The following UBQLN4 variants were observed in gnomAD, a reference collection of about 807,000 sequenced individuals.
UBQLN4 encodes the protein ubiquilin 4.
In UBQLN4, 11 loss-of-function variants were observed where a neutral mutation model predicts 60.4. That is an observed-to-expected ratio of 0.18 (90% CI 0.11 to 0.30). UBQLN4 has a LOEUF of 0.30. Among genes scored for constraint, UBQLN4 ranks in the 10% least tolerant of loss-of-function variants. The pLI is 1.00. For synonymous variants in UBQLN4, 258 were observed against 313.1 expected (o/e 0.82, Z 1.86); for missense variants, 417 against 795.5 (o/e 0.52, Z 5.72).
chr1:156,039,611 T>G (rs1683494832), intron 10 of UBQLN4, among the ~76,000 whole-genome samples: 1 of 152,002 alleles, frequency 6.6e-6, no homozygotes, highest in Non-Finnish European at 1.5e-5. Context: ...CCAAGGGGTA[T>G]TTGGAAAGCA....
chr1:156,045,537 C>T (rs1327539377), intron 5 of UBQLN4, among the ~76,000 whole-genome samples: 1 of 152,262 alleles, frequency 6.6e-6, no homozygotes, highest in Non-Finnish European at 1.5e-5. Flanking sequence ...TAATACTCCT[C>T]TAATACAACA....
Position 156,036,786 on chromosome 1 carries a change from G to A in UBQLN4, c.*192C>T, listed in dbSNP as rs1683413486. ...GACCAGGAGAGAAGAGTCTGTTAGA[G>A]ACGTAGCAGTAAAACCATAATTCTC... is the stretch of plus-strand genomic sequence containing the variant. On this transcript the variant is annotated 3_prime_UTR_variant, in exon 11 of 11. Transcript: ENST00000368309. 4 of 1,454,656 alleles carry A rather than the reference G, an allele frequency of 2.7e-6. No individual in the cohort carries two copies. The highest frequency in any genetic ancestry group is 3.6e-6 in the Non-Finnish European group (4 of 1,105,904). The allele number at this position is 1,454,656 out of a possible 1,614,324, so 90.1% of individuals were successfully genotyped here. A position where few individuals can be genotyped will look rare whatever the true frequency, so the allele number is the denominator to read the frequency against.
intron 7 of UBQLN4, chr1:156,042,466 G>A (rs1683594052): frequency 2.9e-6 from 4 of 1,379,320 alleles, no homozygotes; most frequent in Non-Finnish European, 3.8e-6. Flanking sequence ...GTCTGATGAT[G>A]ATGAGGACAG....
At chr1:156,038,684 A>C (rs1015841770) in intron 10 of UBQLN4, among the ~76,000 whole-genome samples, 5 of 152,132 alleles carry the variant, frequency 3.3e-5, no homozygotes, top group African/African-American at 7.2e-5. Context: ...ATAAAAAATA[A>C]AGAAAAAAAT....
Position 156,045,256 on chromosome 1 carries a change from T to C in UBQLN4, c.901-1033A>G, listed in dbSNP as rs142718977. On this transcript the variant is annotated intron_variant, in intron 5 of 10. Transcript: ENST00000368309. The stretch of plus-strand genomic sequence containing the variant: ...CGGGGCTAACCAAGGATTCTCCTAC[T>C]CTGAGCTGTTTCCTTCACCTCACCA... Among the ~76,000 whole-genome samples the C allele has an allele frequency of 1.2e-3, 183 of 152,326 alleles. 1 individual carries two copies. The highest frequency in any genetic ancestry group is 4.3e-3 in the African/African-American group (177 of 41,580).
chr1:156,052,977 C>T (rs1379225974), intron 1 of UBQLN4, among the ~76,000 whole-genome samples: 1 of 152,152 alleles, frequency 6.6e-6, no homozygotes, highest in Non-Finnish European at 1.5e-5. Context: ...ACCAGATGGC[C>T]TATCTTAAGC....
intron 1 of UBQLN4, 122 bp downstream of exon 1, chr1:156,053,472 G>T: frequency 4.2e-6 from 3 of 715,020 alleles, no homozygotes; most frequent in Non-Finnish European, 5.9e-6. Flanking sequence ...GCTCCTCGGA[G>T]TCCCAGCCGG....
chr1:156,053,738 G>C lies in UBQLN4; in HGVS notation c.-37C>G, dbSNP rs975460958. The C allele has an allele frequency of 8.3e-7, 1 of 1,210,302 alleles. No individual in the cohort carries two copies. Among genetic ancestry groups the C allele is most frequent in the Non-Finnish European group, 1.0e-6 (1 of 957,086 alleles). 75.0% of individuals were successfully genotyped at this position (1,210,302 alleles called of 1,614,324 possible). A position where few individuals can be genotyped will look rare whatever the true frequency, so the allele number is the denominator to read the frequency against. On this transcript the variant is annotated 5_prime_UTR_variant, in exon 1 of 11. Transcript: ENST00000368309. Reference sequence around the variant, plus strand: ...CACCCGGCCGCCCGCCAGCCCGCCCGGCTCCTCCTCCTCCCCGCCCGCCCG... The same window carrying C: ...CACCCGGCCGCCCGCCAGCCCGCCCCGCTCCTCCTCCTCCCCGCCCGCCCG...
chr1:156,040,380 C>CAA (rs761867504), intron 10 of UBQLN4, among the ~76,000 whole-genome samples: 5 of 125,898 alleles, frequency 4.0e-5, no homozygotes, highest in Non-Finnish European at 5.0e-5. Flanking sequence ...AACTCTGTCT[C>CAA]AAAAAAAAAA....
At chr1:156,033,125 C>A (rs945205971), downstream of UBQLN4, 2 of 837,342 alleles carry the variant, frequency 2.4e-6, no homozygotes, top group Non-Finnish European at 2.9e-6. Flanking sequence ...TTTGCCAATA[C>A]TTATGTAGCT....
At chr1:156,039,240 C>G (rs940545718) in intron 10 of UBQLN4, among the ~76,000 whole-genome samples, 1 of 145,776 alleles carries the variant, frequency 6.9e-6, no homozygotes, top group African/African-American at 2.5e-5. Context: ...ACACTCCTGG[C>G]CTGGCTTTTT....
chr1:156,035,947 C>T lies in UBQLN4; in HGVS notation c.*1031G>A, dbSNP rs540247372. On this transcript the variant is annotated 3_prime_UTR_variant, in exon 11 of 11. Coordinates refer to ENST00000368309, the MANE Select transcript of UBQLN4 (RefSeq NM_020131.5). Reference sequence around the variant, plus strand: ...TGCACCTCCCCACTACTCACACAGACCCCAACCCCCTTCATGTCTTTTGAG... The same window carrying T: ...TGCACCTCCCCACTACTCACACAGATCCCAACCCCCTTCATGTCTTTTGAG... 75 of 985,500 alleles carry T rather than the reference C, an allele frequency of 7.6e-5. No individual in the cohort carries two copies. The highest frequency in any genetic ancestry group is 9.0e-5 in the Non-Finnish European group (75 of 830,020). 61.0% of individuals were successfully genotyped at this position (985,500 alleles called of 1,614,324 possible).
At chr1:156,043,730 A>G (rs1466293672) in intron 6 of UBQLN4, among the ~76,000 whole-genome samples, 1 of 151,864 alleles carries the variant, frequency 6.6e-6, no homozygotes, top group Non-Finnish European at 1.5e-5. Flanking sequence ...AACCTTTTAC[A>G]CTGGATAATA....
At chr1:156,034,825 CTATATATATATATATA>C (rs34720108), downstream of UBQLN4, among the ~76,000 whole-genome samples, 14,136 of 46,484 alleles carry the variant, frequency 0.3, 1,848 homozygotes, top group Middle Eastern at 0.38. Flanking sequence ...CCTTAACCTT[CTATATATATATATATA>C]TATATATATA....
At chr1:156,041,452 G>T in intron 10 of UBQLN4, 33 bp downstream of exon 10, 1 of 1,488,530 alleles carries the variant, frequency 6.7e-7, no homozygotes, top group Admixed American at 2.2e-5. Context: ...TCAAAGTGGT[G>T]CTCCCAGCAC....
intron 10 of UBQLN4, among the ~76,000 whole-genome samples, chr1:156,037,863 A>G (rs1683448169): frequency 6.6e-6 from 1 of 152,218 alleles, no homozygotes; most frequent in Non-Finnish European, 1.5e-5. Context: ...GTCCCAGTTA[A>G]GAAGCTATTT....
At position 156,048,666 on chromosome 1, in the gene UBQLN4, A is replaced by G. The variant is rs750329101; in HGVS notation, c.742-7T>C. The G allele has an allele frequency of 6.2e-7, 1 of 1,610,652 alleles. No homozygotes were observed. The highest frequency in any genetic ancestry group is 1.1e-5 in the South Asian group (1 of 91,008). ...TCCGAGCAAGCTCCATTGTCTGATCAAGGGAGAGAGACAAAATGGGCCCCG... is the reference window on the plus strand; with the variant it reads ...TCCGAGCAAGCTCCATTGTCTGATCGAGGGAGAGAGACAAAATGGGCCCCG... On this transcript the variant is annotated splice_region_variant and splice_polypyrimidine_tract_variant and intron_variant, in intron 4 of 10. Transcript: ENST00000368309. This position sits in a 1 kb window ranked among gnomAD's most constrained non-coding sequence, Gnocchi z 4.9.
chr1:156,041,719 G>A (rs1417931117), intron 9 of UBQLN4, 48 bp from the exon 10 acceptor site: 1 of 1,472,046 alleles, frequency 6.8e-7, no homozygotes, highest in Non-Finnish European at 9.0e-7. Context: ...CCAAGAAAGG[G>A]ATGAGAATGT....
At position 156,036,202 on chromosome 1, in the gene UBQLN4, A is replaced by G; in HGVS notation, c.*776T>C. On this transcript the variant is annotated 3_prime_UTR_variant, in exon 11 of 11. Coordinates refer to ENST00000368309, the MANE Select transcript of UBQLN4 (RefSeq NM_020131.5). ...GATTCTTCTGCCTAAAAGAGCTATG[A>G]GTGCTTCTGCTCCCCACTGTTAATT... 5 of 985,590 alleles carry G rather than the reference A, an allele frequency of 5.1e-6. No individual in the cohort carries two copies. Among genetic ancestry groups the G allele is most frequent in the Non-Finnish European group, 6.0e-6 (5 of 829,952 alleles). The allele number at this position is 985,590 out of a possible 1,614,324, so 61.1% of individuals were successfully genotyped here.
Sources: allele counts gnomAD v4.1 joint callset (sites outside exome capture counted in the v4.1 genomes callset), GRCh38; gene constraint gnomAD v4.1.1; non-coding constraint Gnocchi (gnomAD v3.1); transcripts MANE v1.5; gene names NCBI Gene and HGNC (gene_info 2026-07-23, HGNC 2026-07-21).